BEGAIN: variants seen among roughly 807,000 people sequenced by gnomAD.
BEGAIN encodes the protein brain enriched guanylate kinase associated.
BEGAIN carries 19 observed loss-of-function variants against 35.8 expected under a neutral mutation model. The ratio of observed to expected loss-of-function variants is 0.53; its 90% confidence interval spans 0.37 to 0.78. The LOEUF is 0.78. Ranked by LOEUF, BEGAIN falls within the 30% of genes least tolerant of loss-of-function variation. The probability of loss-of-function intolerance (pLI) is 0.00; values close to 1 mark genes in which losing one functional copy is unlikely to be tolerated. For synonymous variants in BEGAIN, 462 were observed against 388.6 expected, an observed-to-expected ratio of 1.19 and a Z score of -2.22; for missense variants, 795 against 853.6, an observed-to-expected ratio of 0.93 and a Z score of 0.85.
chr14:100,539,044 G>C lies in BEGAIN; in HGVS notation c.764C>G (p.Pro255Arg), dbSNP rs893533653. 8.1e-6 allele frequency: 13 copies of C among 1,612,232 alleles called. No individual in the cohort carries two copies. The highest frequency in any genetic ancestry group is 9.3e-6 in the Non-Finnish European group (11 of 1,179,540). ...IYCSDTALYC[P>R]EERRRDRRPS... is the part of the protein sequence containing the mutation. ...CCGCCGGTCTCGCCGCCGCTCCTCC[G>C]GGCAGTAGAGGGCTGTGTCACTGCA... Residue 255 changes from proline (P) to arginine (R), a missense_variant, in exon 7 of 7, where the codon CCG becomes CGG. By Grantham distance (103) the Pro-to-Arg change is moderately radical. Transcript: ENST00000554140.
At chr14:100,551,228 C>T (rs183122251) in intron 2 of BEGAIN, among the ~76,000 whole-genome samples, 8 of 152,336 alleles carry the variant, frequency 5.3e-5, no homozygotes, top group East Asian at 3.9e-4. Context: ...GACATGGGCC[C>T]GGCCCGGCCC....
In BEGAIN at chr14:100,538,218, G is replaced by A. The variant is rs112914069; in HGVS notation, c.1590C>T (p.Pro530=). 3.3e-4 allele frequency: 517 copies of A among 1,565,980 alleles called. 1 individual carries two copies. The African/African-American group carries it at 5.8e-3, about 17-fold the overall frequency. Residue 530 remains proline (P), a synonymous_variant, in exon 7 of 7, where the codon CCC becomes CCT. Transcript: ENST00000554140. ...CCCCCCCCTCGCTGGGTGCATAGCC[G>A]GGCAGTGGGTCAGCCGAGCGGCCGG... ...LSPGRSADPL[P]GYAPSEGGDG...
chr14:100,578,391 G>A lies in BEGAIN; in HGVS notation c.42+8858C>T, dbSNP rs192493117. On this transcript the variant is annotated intron_variant, in intron 1 of 6. Transcript: ENST00000554140. ...GGCCACCATGATGGCTTGAGTGCTG[G>A]GCCTGAAGCAGGGCAAACTGGAACT... is the stretch of plus-strand genomic sequence containing the variant. Among the ~76,000 whole-genome samples, 864 of 152,384 alleles carry A rather than the reference G, an allele frequency of 5.7e-3. 5 individuals carry two copies. Among genetic ancestry groups the A allele is most frequent in the Middle Eastern group, 0.017 (5 of 294 alleles).
chr14:100,538,535 T>G lies in BEGAIN; in HGVS notation c.1273A>C (p.Thr425Pro). 6.6e-7 allele frequency: 1 copy of G among 1,515,202 alleles called. No homozygotes were observed. Among genetic ancestry groups the G allele is most frequent in the Non-Finnish European group, 8.8e-7 (1 of 1,134,010 alleles). 93.9% of individuals were successfully genotyped at this position (1,515,202 alleles called of 1,614,324 possible). Reference sequence around the variant, plus strand: ...ATGTCCTCCCCGGGGAGCCGGGCGGTCCCCGGCTTGGCCCGCAGGCTCCAC... The same window carrying G: ...ATGTCCTCCCCGGGGAGCCGGGCGGGCCCCGGCTTGGCCCGCAGGCTCCAC... ...NLWSLRAKPG[T>P]ARLPGEDMRG... Residue 425 changes from threonine (T) to proline (P), a missense_variant, in exon 7 of 7, where the codon ACC (threonine) becomes CCC (proline). This residue lies in a region of BEGAIN where 664 missense variants were observed against 647.7 expected (regional missense o/e 1.03). Coordinates refer to ENST00000554140, the MANE Select transcript of BEGAIN (RefSeq NM_001385089.1).
At chr14:100,562,725 C>T (rs568443112) in intron 2 of BEGAIN, among the ~76,000 whole-genome samples, 19 of 152,306 alleles carry the variant, frequency 1.2e-4, no homozygotes, top group Non-Finnish European at 2.4e-4. Flanking sequence ...GACCCGGTGG[C>T]ACCCGCTCAG....
chr14:100,538,470 G>A lies in BEGAIN; in HGVS notation c.1338C>T (p.Gly446=), dbSNP rs1416799263. Residue 446 remains glycine (G), a synonymous_variant, in exon 7 of 7, where the codon GGC becomes GGT. Transcript: ENST00000554140. ...CAGCGCTCACGGGGTAGGAGTAGGC[G>A]CCGATGTCCTCCACGCTCAGGGGAC... ...QWRPLSVEDI[G]AYSYPVSAAG... 2.5e-6 allele frequency: 4 copies of A among 1,576,356 alleles called. No homozygotes were observed. The highest frequency in any genetic ancestry group is 3.4e-6 in the Non-Finnish European group (4 of 1,164,616).
intron 2 of BEGAIN, among the ~76,000 whole-genome samples, chr14:100,564,204 G>T (rs1248561820): frequency 1.3e-5 from 2 of 152,038 alleles, no homozygotes; most frequent in Non-Finnish European, 2.9e-5. Context: ...GGTGGTGGTC[G>T]CCAGGTGGTC....
rs1423388765 is a variant in BEGAIN at position 100,563,212 on chromosome 14, C to T, written c.71+4699G>A. 6.6e-6 allele frequency among the ~76,000 whole-genome samples: 1 copy of T among 152,128 alleles called. No homozygotes were observed. Among genetic ancestry groups the T allele is most frequent in the African/African-American group, 2.4e-5 (1 of 41,412 alleles). ...ATAGGAGTGAAGGAGAGAGTGTGGC[C>T]CGAACACCTGGGTGTCCTTGTGCAA... On this transcript the variant is annotated intron_variant, in intron 2 of 6. Transcript: ENST00000554140. This position sits in a 1 kb window ranked among gnomAD's most constrained non-coding sequence, Gnocchi z 4.2.
intron 2 of BEGAIN, chr14:100,548,684 C>G (rs919377217): frequency 1.3e-5 from 2 of 152,292 alleles, no homozygotes; most frequent in Non-Finnish European, 2.9e-5. Flanking sequence ...AGGAGTAAGA[C>G]AAACCCTGCC....
At chr14:100,555,979 C>CGT (rs757113563) in intron 2 of BEGAIN, among the ~76,000 whole-genome samples, 12 of 151,362 alleles carry the variant, frequency 7.9e-5, no homozygotes, top group South Asian at 6.3e-4. Context: ...CATGCATGTG[C>CGT]GTGTGTGTGT....
rs1031044862 is a variant in BEGAIN at position 100,537,842 on chromosome 14, G to A, written c.*127C>T. ...GGCTGGGGAGGAGAGGAGGTGCGGGGAGGAACAGACTCCTCGTTGTTGGCC... is the reference window on the plus strand; with the variant it reads ...GGCTGGGGAGGAGAGGAGGTGCGGGAAGGAACAGACTCCTCGTTGTTGGCC... On this transcript the variant is annotated 3_prime_UTR_variant, in exon 7 of 7. Transcript: ENST00000554140. 8 of 1,364,746 alleles carry A rather than the reference G, an allele frequency of 5.9e-6. No homozygotes were observed. The Middle Eastern group carries it at 1.1e-3, about 182-fold the overall frequency. 84.5% of individuals were successfully genotyped at this position (1,364,746 alleles called of 1,614,324 possible). A position where few individuals can be genotyped will look rare whatever the true frequency, so the allele number is the denominator to read the frequency against.
intron 6 of BEGAIN, 110 bp downstream of exon 6, chr14:100,540,386 C>T (rs893293606): frequency 2.0e-5 from 17 of 854,424 alleles, no homozygotes; most frequent in Middle Eastern, 3.3e-4. Context: ...GGCTCAGGCT[C>T]AGCTGGCATC....
intron 5 of BEGAIN, among the ~76,000 whole-genome samples, 156 bp from the exon 6 acceptor site, chr14:100,540,735 C>G (rs6575788): frequency 1 from 152,265 of 152,366 alleles, 76,085 homozygotes; most frequent in Middle Eastern, 1. Flanking sequence ...CCCTCTCTGG[C>G]CTCCACACTC....
chr14:100,568,264 C>A lies in BEGAIN; in HGVS notation c.43-325G>T. ...CGGCCTCGCCCGGAGGAGGGGGACT[C>A]GGCCTGTCCCCGTTAACTCTCCGGC... On this transcript the variant is annotated intron_variant, in intron 1 of 6. Transcript: ENST00000554140. The surrounding 1 kb of genome is among the most constrained non-coding windows in gnomAD (Gnocchi z 7.5). 3.1e-6 allele frequency: 2 copies of A among 635,700 alleles called. No individual in the cohort carries two copies. Among genetic ancestry groups the A allele is most frequent in the Non-Finnish European group, 4.6e-6 (2 of 435,844 alleles). 39.4% of individuals were successfully genotyped at this position (635,700 alleles called of 1,614,324 possible). A position where few individuals can be genotyped will look rare whatever the true frequency, so the allele number is the denominator to read the frequency against.
intron 2 of BEGAIN, among the ~76,000 whole-genome samples, chr14:100,562,155 G>T (rs1374520851): frequency 6.6e-6 from 1 of 152,110 alleles, no homozygotes; most frequent in African/African-American, 2.4e-5. Context: ...TAGTGGGTGG[G>T]TTGGAGGAGA....
rs865870295 is a variant in BEGAIN, at chr14:100,573,183, G to A, written c.43-5244C>T. Among the ~76,000 whole-genome samples, 2 of 146,186 alleles carry A rather than the reference G, an allele frequency of 1.4e-5. No individual in the cohort carries two copies. Among genetic ancestry groups the A allele is most frequent in the South Asian group, 4.4e-4 (2 of 4,522 alleles). On this transcript the variant is annotated intron_variant, in intron 1 of 6. Coordinates refer to ENST00000554140, the MANE Select transcript of BEGAIN (RefSeq NM_001385089.1). This position sits in a 1 kb window ranked among gnomAD's most constrained non-coding sequence, Gnocchi z 4.2. ...CTGGAGGAGGGAGCAGGTGAGTCTG[G>A]GGGGAGGGGCTTCCGGAGGAGGGGG...
intron 2 of BEGAIN, among the ~76,000 whole-genome samples, chr14:100,555,761 A>C (rs528209236): frequency 6.6e-6 from 1 of 152,284 alleles, no homozygotes; most frequent in African/African-American, 2.4e-5. Context: ...GTGTGGCTAG[A>C]GGGTCGACCA....
At chr14:100,554,207 T>G (rs1292927432) in intron 2 of BEGAIN, among the ~76,000 whole-genome samples, 1 of 152,148 alleles carries the variant, frequency 6.6e-6, no homozygotes, top group African/African-American at 2.4e-5. Flanking sequence ...CTGAGCAGGT[T>G]CCTGGAGGCT....
intron 2 of BEGAIN, among the ~76,000 whole-genome samples, chr14:100,565,409 T>C (rs1003578374): frequency 6.6e-6 from 1 of 152,160 alleles, no homozygotes; most frequent in Non-Finnish European, 1.5e-5. Context: ...GACCCCTCAA[T>C]GTACACCTGC....
Sources: gnomAD v4.1 joint callset for allele counts (sites outside exome capture counted in the v4.1 genomes callset) on GRCh38, gnomAD v4.1.1 for gene constraint, gnomAD v4.1.1 regional missense constraint, Gnocchi (gnomAD v3.1) non-coding constraint, MANE v1.5 for transcripts, NCBI Gene and HGNC (gene_info 2026-07-23, HGNC 2026-07-21) for gene names.